DOT1L: variants seen among roughly 807,000 people sequenced by gnomAD.
DOT1L encodes DOT1 like histone lysine methyltransferase.
A neutral mutation model predicts 153.3 loss-of-function variants in DOT1L; 33 were observed. That is an observed-to-expected ratio of 0.22 (90% CI 0.16 to 0.29). DOT1L has a LOEUF of 0.29. Ranked by LOEUF, DOT1L falls within the 10% of genes least tolerant of loss-of-function variation. DOT1L has a pLI of 1.00. For missense variants in DOT1L, 1,847 were observed against 2,119.9 expected (o/e 0.87, Z 2.53); for synonymous variants, 1,135 against 965.1 (o/e 1.18, Z -3.26).
chr19:2,203,325 C>T (rs893093721), intron 9 of DOT1L, among the ~76,000 whole-genome samples: 1 of 152,190 alleles, frequency 6.6e-6, no homozygotes, highest in Non-Finnish European at 1.5e-5. Context: ...GTCTCGAACT[C>T]CCGATGTCAG....
rs776529044 is a variant in DOT1L, at chr19:2,222,547, C to T, written c.3378C>T (p.Asn1126=). 5 of 1,545,384 alleles carry T rather than the reference C, an allele frequency of 3.2e-6. No homozygotes were observed. In the Admixed American group the frequency reaches 7.4e-5, roughly 23 times the overall value. The change falls in exon 24 of 28, where the codon AAC becomes AAT. Residue 1126 remains asparagine, a synonymous_variant. Transcript: ENST00000398665. The surrounding 1 kb of genome is among the most constrained non-coding windows in gnomAD (Gnocchi z 6.5). ...CACAGCCTTCGGGGTCTCCCCTCAA[C>T]CTCAACTCCATGGTAAGGATGGGGA... ...LFTQPSGSPL[N]LNSMVSNINQ...
In DOT1L at chr19:2,191,262, C is replaced by T. The variant is rs371826966; in HGVS notation, c.493+22C>T. The T allele has an allele frequency of 4.7e-5, 75 of 1,610,942 alleles. No homozygotes were observed. In the East Asian group the frequency reaches 5.6e-4, roughly 12 times the overall value. On this transcript the variant is annotated intron_variant, in intron 5 of 27. Transcript: ENST00000398665. This position sits in a 1 kb window ranked among gnomAD's most constrained non-coding sequence, Gnocchi z 6.8. ...AGCGGTGAGTGTCGCCCGCCATGCC[C>T]GGCTCCTGTGCACTTCCAGGCCACA...
At chr19:2,187,902 AC>A (rs1197000247) in intron 3 of DOT1L, among the ~76,000 whole-genome samples, 1 of 146,786 alleles carries the variant, frequency 6.8e-6, no homozygotes, top group Non-Finnish European at 1.5e-5. Context: ...AGCCTGGGTG[AC>A]AGAGCGAGAC....
chr19:2,200,123 A>G (rs1003823722), intron 8 of DOT1L, among the ~76,000 whole-genome samples, 184 bp downstream of exon 8: 2 of 151,984 alleles, frequency 1.3e-5, no homozygotes, highest in South Asian at 2.1e-4. Context: ...CGCGCAGAGC[A>G]GACGTGCCCA....
chr19:2,174,679 G>A (rs183183824), intron 1 of DOT1L, among the ~76,000 whole-genome samples: 2 of 151,882 alleles, frequency 1.3e-5, no homozygotes, highest in Non-Finnish European at 2.9e-5. Context: ...GAGTGCAGTG[G>A]TGTGATCACA....
intron 1 of DOT1L, among the ~76,000 whole-genome samples, chr19:2,174,452 C>T (rs948809238): frequency 4.6e-5 from 7 of 152,006 alleles, no homozygotes; most frequent in Admixed American, 2.6e-4. Flanking sequence ...TTGGGGAGGC[C>T]GAGGCGGGCA....
intron 3 of DOT1L, among the ~76,000 whole-genome samples, chr19:2,187,877 G>C (rs190873373): frequency 4.0e-5 from 6 of 150,398 alleles, no homozygotes; most frequent in East Asian, 2.0e-4. Context: ...AGCTGAGATC[G>C]CGCCACCGCA....
At chr19:2,181,299 A>G (rs890085939) in intron 2 of DOT1L, among the ~76,000 whole-genome samples, 2 of 152,074 alleles carry the variant, frequency 1.3e-5, no homozygotes, top group Admixed American at 1.3e-4. Flanking sequence ...CAGAACCCTC[A>G]TTGTGTGGCA....
At chr19:2,185,241 C>T (rs926542473) in intron 2 of DOT1L, among the ~76,000 whole-genome samples, 2 of 152,118 alleles carry the variant, frequency 1.3e-5, no homozygotes, top group African/African-American at 2.4e-5. Context: ...AGTTGCTTTT[C>T]GAGCTCTGAT....
chr19:2,227,373 T>C (rs749814494), intron 27 of DOT1L: 15 of 715,506 alleles, frequency 2.1e-5, no homozygotes, highest in Admixed American at 4.0e-5. Flanking sequence ...AAGGCCACCG[T>C]GCGCAGGGCC....
rs905101999 is a variant in DOT1L, at chr19:2,207,401, G to T, written c.857-173G>T. Reference sequence around the variant, plus strand: ...GGCCCAGGCCAGGTGGTGTTGAATGGTGCACCTCCCTGGGCCGGCCTCTGT... The same window carrying T: ...GGCCCAGGCCAGGTGGTGTTGAATGTTGCACCTCCCTGGGCCGGCCTCTGT... On this transcript the variant is annotated intron_variant, in intron 10 of 27. Transcript: ENST00000398665. This position sits in a 1 kb window ranked among gnomAD's most constrained non-coding sequence, Gnocchi z 4.5. Among the ~76,000 whole-genome samples, 1 of 152,170 alleles carries T rather than the reference G, an allele frequency of 6.6e-6. No individual in the cohort carries two copies. Among genetic ancestry groups the T allele is most frequent in the Non-Finnish European group, 1.5e-5 (1 of 68,006 alleles).
At chr19:2,200,923 G>A (rs543703789) in intron 8 of DOT1L, among the ~76,000 whole-genome samples, 3 of 128,414 alleles carry the variant, frequency 2.3e-5, no homozygotes, top group East Asian at 4.7e-4. Context: ...CGTCCTCCCC[G>A]TATTCCTCAT....
intron 3 of DOT1L, among the ~76,000 whole-genome samples, chr19:2,187,939 G>A (rs1599556072): frequency 9.0e-6 from 1 of 110,886 alleles, no homozygotes; most frequent in African/African-American, 3.3e-5. Context: ...AAAAAAAAAA[G>A]GGAAGTGAAA....
intron 1 of DOT1L, among the ~76,000 whole-genome samples, chr19:2,177,582 C>A (rs144547478): frequency 1.3e-5 from 2 of 152,190 alleles, no homozygotes; most frequent in East Asian, 3.9e-4. Flanking sequence ...CCAGGCTGGC[C>A]TCGAATTCCT....
rs554561373 is a variant in DOT1L, at chr19:2,231,131, C to T, written c.*1339C>T. On this transcript the variant is annotated 3_prime_UTR_variant, in exon 28 of 28. Transcript: ENST00000398665. The stretch of plus-strand genomic sequence containing the variant: ...TTCTGGAGCCCTGAGCAGTCAGGGC[C>T]TGGGTTGTCTGAGCAGTGGTGGCTC... 4.4e-6 allele frequency: 1 copy of T among 229,196 alleles called. No individual in the cohort carries two copies. Among genetic ancestry groups the T allele is most frequent in the East Asian group, 6.2e-5 (1 of 16,070 alleles). The allele number at this position is 229,196 out of a possible 1,614,324, so 14.2% of individuals were successfully genotyped here.
At chr19:2,186,301 A>G (rs116573264) in intron 3 of DOT1L, among the ~76,000 whole-genome samples, 176 of 151,568 alleles carry the variant, frequency 1.2e-3, no homozygotes, top group African/African-American at 3.9e-3. Context: ...CTCTGTTTAG[A>G]TCTCAGCTGG....
In DOT1L at chr19:2,220,063, C is replaced by G. The variant is rs774316330; in HGVS notation, c.2692-45C>G. The G allele has an allele frequency of 7.1e-6, 11 of 1,549,692 alleles. No homozygotes were observed. The highest frequency in any genetic ancestry group is 9.7e-6 in the Non-Finnish European group (11 of 1,139,532). On this transcript the variant is annotated intron_variant, in intron 22 of 27. Transcript: ENST00000398665. This position sits in a 1 kb window ranked among gnomAD's most constrained non-coding sequence, Gnocchi z 4.5. ...TGTTTCCAGCTGGGTTCTGGGTCTC[C>G]TGGGGCACCTGCTGCCCCTGACACA...
chr19:2,202,428 T>C (rs1385279029), intron 8 of DOT1L, among the ~76,000 whole-genome samples: 1 of 152,234 alleles, frequency 6.6e-6, no homozygotes, highest in Non-Finnish European at 1.5e-5. Context: ...CTTGTGAACC[T>C]TCCCAGATCA....
chr19:2,210,550 G>A (rs369191849), intron 13 of DOT1L, 40 bp downstream of exon 13: 106 of 1,587,998 alleles, frequency 6.7e-5, no homozygotes, highest in Admixed American at 8.7e-5. Flanking sequence ...GAGGGCACCC[G>A]CCCCCTGCCC....
Sources: gnomAD v4.1 joint callset for allele counts (sites outside exome capture counted in the v4.1 genomes callset) on GRCh38, gnomAD v4.1.1 for gene constraint, Gnocchi (gnomAD v3.1) non-coding constraint, MANE v1.5 for transcripts, NCBI Gene and HGNC (gene_info 2026-07-23, HGNC 2026-07-21) for gene names.